DAP3: variants seen among roughly 807,000 people sequenced by gnomAD.
DAP3 encodes the protein death associated protein 3.
Under a neutral mutation model 51.9 loss-of-function variants are expected in DAP3, and 28 were observed. That is an observed-to-expected ratio of 0.54 (90% CI 0.40 to 0.74). DAP3 has a LOEUF of 0.74. Ranked by LOEUF, DAP3 falls within the 30% of genes least tolerant of loss-of-function variation. The pLI is 0.00. For missense variants in DAP3, 458 were observed against 483.5 expected (o/e 0.95, Z 0.49); for synonymous variants, 170 against 170.3 (o/e 1.00, Z 0.01).
At chr1:155,717,571 A>G (rs1657480522) in intron 3 of DAP3, among the ~76,000 whole-genome samples, 1 of 152,224 alleles carries the variant, frequency 6.6e-6, no homozygotes, top group African/African-American at 2.4e-5. Context: ...TGCCATAAAC[A>G]AATGGGTGTG....
In DAP3 at chr1:155,727,526, A is replaced by G. The variant is rs943548976; in HGVS notation, c.473-82A>G. The G allele has an allele frequency of 4.1e-6, 6 of 1,468,550 alleles. No homozygotes were observed. In the African/African-American group the frequency reaches 5.7e-5, roughly 14 times the overall value. The allele number at this position is 1,468,550 out of a possible 1,614,324, so 91.0% of individuals were successfully genotyped here. On this transcript the variant is annotated intron_variant, in intron 6 of 12. Coordinates refer to ENST00000368336, the MANE Select transcript of DAP3 (RefSeq NM_004632.4). Reference sequence around the variant, plus strand: ...ATATGAGAAACTAAAGTCATTTCCCATAACTTAAAAGAGGCATAGAATATT... The same window carrying G: ...ATATGAGAAACTAAAGTCATTTCCCGTAACTTAAAAGAGGCATAGAATATT...
intron 1 of DAP3, among the ~76,000 whole-genome samples, chr1:155,706,253 A>G (rs1655952102): frequency 6.6e-6 from 1 of 152,078 alleles, no homozygotes; most frequent in Non-Finnish European, 1.5e-5. Flanking sequence ...CAGTCTTCTC[A>G]TCCCCGCCTC....
At chr1:155,725,876 A>G in intron 5 of DAP3, 51 bp from the exon 6 acceptor site, 1 of 1,554,832 alleles carries the variant, frequency 6.4e-7, no homozygotes, top group Non-Finnish European at 8.9e-7. Flanking sequence ...ACTACTGTTC[A>G]CATACAAGTG....
chr1:155,707,054 G>GTT (rs1386972694), intron 1 of DAP3, among the ~76,000 whole-genome samples: 1 of 149,924 alleles, frequency 6.7e-6, no homozygotes, highest in Non-Finnish European at 1.5e-5. Context: ...TCATGCCATT[G>GTT]CACTCCAGCC....
chr1:155,716,403 C>T (rs1657341476), intron 2 of DAP3, among the ~76,000 whole-genome samples: 1 of 150,740 alleles, frequency 6.6e-6, no homozygotes, highest in Admixed American at 6.6e-5. Context: ...AAAAATACAC[C>T]TCTACTAAAA....
At chr1:155,697,476 C>T (rs949931731) in intron 1 of DAP3, among the ~76,000 whole-genome samples, 2 of 152,052 alleles carry the variant, frequency 1.3e-5, no homozygotes, top group African/African-American at 4.8e-5. Flanking sequence ...AGAAATTCTA[C>T]AGCTGGGTCT....
At position 155,736,950 on chromosome 1, in the gene DAP3, G is replaced by A. The variant is rs539027947; in HGVS notation, c.998G>A (p.Gly333Glu). ...YLPQELLGKE[G>E]FDALDPFIPI... The stretch of plus-strand genomic sequence containing the variant: ...CTGATCCTTTTTCTTCCCCAGGAAG[G>A]ATTTGATGCCCTGGATCCCTTTATT... The change falls in exon 12 of 13, where the codon GGA becomes GAA. Residue 333 changes from glycine (G) to glutamate (E), a missense_variant. Physicochemically the swap from Gly to Glu is moderately conservative, Grantham distance 98 (BLOSUM62 -2). Transcript: ENST00000368336. 4 of 1,612,136 alleles carry A rather than the reference G, an allele frequency of 2.5e-6. No homozygotes were observed. In the South Asian group the frequency reaches 3.3e-5, roughly 13 times the overall value.
intron 1 of DAP3, among the ~76,000 whole-genome samples, chr1:155,689,866 C>T (rs1024517048): frequency 3.2e-4 from 48 of 151,966 alleles, no homozygotes; most frequent in Non-Finnish European, 6.2e-4. Flanking sequence ...GAGCCGAGAT[C>T]GCGCCACTGC....
chr1:155,694,330 A>G (rs1298586287), intron 1 of DAP3, among the ~76,000 whole-genome samples: 3 of 141,438 alleles, frequency 2.1e-5, no homozygotes, highest in African/African-American at 9.7e-5. Flanking sequence ...TATTAACATA[A>G]GCCTCAACCG....
At chr1:155,722,276 GCA>G (rs1658099298) in intron 4 of DAP3, among the ~76,000 whole-genome samples, 1 of 152,118 alleles carries the variant, frequency 6.6e-6, no homozygotes, top group Admixed American at 6.6e-5. Context: ...TGGGCATGAT[GCA>G]CACCTGTAGT....
chr1:155,717,648 G>T (rs1268662589), intron 3 of DAP3, among the ~76,000 whole-genome samples: 1 of 152,186 alleles, frequency 6.6e-6, no homozygotes, highest in African/African-American at 2.4e-5. Context: ...ACTCTGGTAT[G>T]GAGAGTACTA....
rs1181701179 is a variant in DAP3 at position 155,721,348 on chromosome 1, A to ATATGTATGTGTATATATATATG, written c.169-137_169-116dup. 8.3e-3 allele frequency among the ~76,000 whole-genome samples: 1,243 copies of ATATGTATGTGTATATATATATG among 149,004 alleles called. 24 individuals carry two copies. The highest frequency in any genetic ancestry group is 0.03 in the African/African-American group (1,190 of 40,224). On this transcript the variant is annotated intron_variant, in intron 3 of 12. Coordinates refer to ENST00000368336, the MANE Select transcript of DAP3 (RefSeq NM_004632.4). The stretch of plus-strand genomic sequence containing the variant: ...ACTCCATTTTAAAAATAATATATAT[A>ATATGTATGTGTATATATATATG]TATGTATGTGTATATATATATGTAT...
Position 155,704,657 on chromosome 1 carries a change from G to A in DAP3, c.-7-5116G>A, listed in dbSNP as rs370060034. 2.6e-5 allele frequency among the ~76,000 whole-genome samples: 4 copies of A among 152,302 alleles called. No individual in the cohort carries two copies. In the East Asian group the frequency reaches 5.8e-4, roughly 22 times the overall value. On this transcript the variant is annotated intron_variant, in intron 1 of 12. Coordinates refer to ENST00000368336, the MANE Select transcript of DAP3 (RefSeq NM_004632.4). Reference sequence around the variant, plus strand: ...GAAGCATGTCATATGCTTCTTGAATGACTGAGTTTAGGAGTGCTTTGGCGT... The same window carrying A: ...GAAGCATGTCATATGCTTCTTGAATAACTGAGTTTAGGAGTGCTTTGGCGT...
chr1:155,693,828 G>A (rs1654174232), intron 1 of DAP3, among the ~76,000 whole-genome samples: 2 of 141,328 alleles, frequency 1.4e-5, no homozygotes, highest in Admixed American at 1.3e-4. Flanking sequence ...GGGTGTGGTG[G>A]CACATGCCTG....
At chr1:155,714,488 G>C (rs1178975940) in intron 2 of DAP3, among the ~76,000 whole-genome samples, 2 of 152,294 alleles carry the variant, frequency 1.3e-5, no homozygotes, top group East Asian at 3.9e-4. Flanking sequence ...GTGTTGGCTG[G>C]GCATAGTGGC....
chr1:155,688,190 C>T (rs1558322633), upstream of DAP3: 5 of 1,613,934 alleles, frequency 3.1e-6, no homozygotes, highest in East Asian at 1.1e-4. Flanking sequence ...AGGCGGCCAG[C>T]GGGTAAGCCG....
chr1:155,732,100 A>G (rs796417876), intron 11 of DAP3, 67 bp downstream of exon 11: 3 of 1,360,846 alleles, frequency 2.2e-6, no homozygotes, highest in African/African-American at 1.5e-5. Context: ...TATTTTTATT[A>G]ATCTATGTAT....
upstream of DAP3, chr1:155,689,022 G>A: frequency 6.3e-7 from 1 of 1,584,414 alleles, no homozygotes; most frequent in Non-Finnish European, 8.6e-7. Flanking sequence ...CCCCTCTGCC[G>A]GCCGGTGGTT....
intron 4 of DAP3, among the ~76,000 whole-genome samples, chr1:155,724,794 TA>T (rs1658390757): frequency 6.6e-6 from 1 of 151,248 alleles, no homozygotes; most frequent in South Asian, 2.1e-4. Flanking sequence ...CCTTCTGTAC[TA>T]AAAATACAAA....
Sources: allele counts gnomAD v4.1 joint callset (sites outside exome capture counted in the v4.1 genomes callset), GRCh38; gene constraint gnomAD v4.1.1; transcripts MANE v1.5; gene names NCBI Gene and HGNC (gene_info 2026-07-23, HGNC 2026-07-21).